The following COL15A1 variants were observed in gnomAD, a reference collection of about 807,000 sequenced individuals.
COL15A1 encodes the protein collagen type XV alpha 1 chain, also known as collagen alpha-1(XV) chain.
Under a neutral mutation model 165.9 loss-of-function variants are expected in COL15A1, and 111 were observed. The ratio of observed to expected loss-of-function variants is 0.67; its 90% CI spans 0.57 to 0.78. COL15A1 has a LOEUF of 0.78. Among genes scored for constraint, COL15A1 ranks in the 30% least tolerant of loss-of-function variants. The probability of loss-of-function intolerance (pLI) is 0.00; values close to 1 mark genes in which losing one functional copy is unlikely to be tolerated. For missense variants in COL15A1, 1,745 were observed against 1,789.7 expected, an observed-to-expected ratio of 0.98 and a Z score of 0.45; for synonymous variants, 659 against 674.8, an observed-to-expected ratio of 0.98 and a Z score of 0.36.
intron 2 of COL15A1, among the ~76,000 whole-genome samples, chr9:98,981,637 C>T (rs756816395): frequency 5.3e-5 from 8 of 152,112 alleles, no homozygotes; most frequent in African/African-American, 1.4e-4. Context: ...AAACACGTAT[C>T]GAGTGGACAT....
intron 2 of COL15A1, among the ~76,000 whole-genome samples, chr9:98,948,112 C>A (rs1837613101): frequency 6.6e-6 from 1 of 152,208 alleles, no homozygotes; most frequent in Non-Finnish European, 1.5e-5. Context: ...CAAACCCATT[C>A]TGTGCTGGCC....
At chr9:99,031,824 A>G (rs946940354) in intron 16 of COL15A1, among the ~76,000 whole-genome samples, 2 of 152,208 alleles carry the variant, frequency 1.3e-5, no homozygotes, top group South Asian at 2.1e-4. Flanking sequence ...TCATTGCCTC[A>G]TGTGTCCTAT....
chr9:99,057,013 G>A (rs575376165), intron 35 of COL15A1, among the ~76,000 whole-genome samples: 3 of 152,088 alleles, frequency 2.0e-5, no homozygotes, highest in Non-Finnish European at 2.9e-5. Flanking sequence ...ATGAACTTTC[G>A]TGTACAAGTT....
At chr9:99,034,429 C>A in intron 16 of COL15A1, 120 bp from the exon 17 acceptor site, 1 of 1,429,870 alleles carries the variant, frequency 7.0e-7, no homozygotes. Context: ...CAATCTGAGA[C>A]AGAAAGAGTC....
At chr9:99,063,578 A>G (rs1026335401) in intron 39 of COL15A1, among the ~76,000 whole-genome samples, 1 of 152,180 alleles carries the variant, frequency 6.6e-6, no homozygotes, top group Non-Finnish European at 1.5e-5. Flanking sequence ...AAGTTTGACC[A>G]TTTTCTGTGG....
intron 2 of COL15A1, among the ~76,000 whole-genome samples, chr9:98,970,505 C>A (rs776441857): frequency 2.0e-5 from 3 of 152,236 alleles, no homozygotes; most frequent in Non-Finnish European, 4.4e-5. Context: ...GTGTGGGCTT[C>A]AGACTTTCTG....
intron 35 of COL15A1, among the ~76,000 whole-genome samples, 191 bp from the exon 36 acceptor site, chr9:99,059,698 C>A (rs1825778628): frequency 1.3e-5 from 2 of 152,222 alleles, no homozygotes; most frequent in Non-Finnish European, 2.9e-5. Flanking sequence ...AATCCCAGCT[C>A]TTCCCTGAAC....
rs570647360 is a variant in COL15A1, at chr9:98,956,340, A to G, written c.100+12090A>G. ...AACAAACAAAGAAACAAAAAACAACAACAACCAAAAAACAGTATGATCTGT... is the reference window on the plus strand; with the variant it reads ...AACAAACAAAGAAACAAAAAACAACGACAACCAAAAAACAGTATGATCTGT... On this transcript the variant is annotated intron_variant, in intron 2 of 41. Coordinates refer to ENST00000375001, the MANE Select transcript of COL15A1 (RefSeq NM_001855.5). Among the ~76,000 whole-genome samples, 4 of 152,210 alleles carry G rather than the reference A, an allele frequency of 2.6e-5. No homozygotes were observed. The East Asian group carries it at 7.7e-4, about 29-fold the overall frequency.
intron 24 of COL15A1, 77 bp from the exon 25 acceptor site, chr9:99,044,491 G>T (rs1839462374): frequency 3.8e-6 from 5 of 1,304,604 alleles, no homozygotes; most frequent in Middle Eastern, 2.5e-4. Flanking sequence ...TGGCAAGGAG[G>T]AGTCTCTGTA....
intron 2 of COL15A1, among the ~76,000 whole-genome samples, chr9:98,953,035 T>A (rs150021072): frequency 1.0e-3 from 156 of 152,340 alleles, no homozygotes; most frequent in African/African-American, 3.6e-3. Flanking sequence ...CCATAATTTC[T>A]GCATGGTATG....
chr9:98,985,908 G>A lies in COL15A1; in HGVS notation c.444G>A (p.Glu148=), dbSNP rs756805553. The change falls in exon 3 of 42, where the codon GAG becomes GAA. Residue 148 remains glutamate, a synonymous_variant. Transcript: ENST00000375001. ...YTEPGSHVSQ[E]AAAFSVPVMT... is the part of the protein sequence containing the mutation. ...AGCCAGGCTCCCATGTGTCCCAAGA[G>A]GCTGCTGCCTTCTCGGTGCCTGTGA... The A allele has an allele frequency of 6.2e-6, 10 of 1,613,864 alleles. No homozygotes were observed. The highest frequency in any genetic ancestry group is 1.6e-4 in the Middle Eastern group (1 of 6,084).
At position 99,022,092 on chromosome 9, in the gene COL15A1, G is replaced by A. The variant is rs1244595554; in HGVS notation, c.1703G>A (p.Gly568Asp). 1 of 1,614,154 alleles carries A rather than the reference G, an allele frequency of 6.2e-7. No individual in the cohort carries two copies. Among genetic ancestry groups the A allele is most frequent in the Admixed American group, 1.7e-5 (1 of 60,032 alleles). Residue 568 changes from glycine (G) to aspartate (D), a missense_variant and splice_region_variant, in exon 13 of 42, where the codon GGT (glycine) becomes GAT (aspartate). Physicochemically the swap from Gly to Asp is moderately conservative, Grantham distance 94. Transcript: ENST00000375001. ...KGQAGPKGEK[G>D]DAGEELPGPP... The stretch of plus-strand genomic sequence containing the variant: ...CACTGACCATTTTGTTCTCTTTAGG[G>A]TGATGCTGGGGAGGAGCTTCCTGGC...
At chr9:99,015,889 G>T in intron 10 of COL15A1, 87 bp from the exon 11 acceptor site, 1 of 1,505,878 alleles carries the variant, frequency 6.6e-7, no homozygotes, top group African/African-American at 1.4e-5. Context: ...TTGAAACTGG[G>T]CTGGCACCAC....
intron 21 of COL15A1, 66 bp from the exon 22 acceptor site, chr9:99,038,602 G>T: frequency 9.9e-7 from 1 of 1,005,158 alleles, no homozygotes; most frequent in Non-Finnish European, 1.6e-6. Flanking sequence ...TTAAAGCTTT[G>T]CTGCCAGGAA....
chr9:99,016,742 G>A (rs1838940837), intron 11 of COL15A1, among the ~76,000 whole-genome samples: 1 of 152,148 alleles, frequency 6.6e-6, no homozygotes, highest in Non-Finnish European at 1.5e-5. Flanking sequence ...GTGTGAAGAG[G>A]GACTGCTCTT....
intron 2 of COL15A1, among the ~76,000 whole-genome samples, chr9:98,950,702 C>T (rs529301316): frequency 3.3e-5 from 5 of 151,698 alleles, no homozygotes; most frequent in Admixed American, 1.3e-4. Context: ...GCAACCTCCA[C>T]CTCCCAGGTT....
intron 34 of COL15A1, among the ~76,000 whole-genome samples, chr9:99,055,897 G>T (rs1335222316): frequency 6.6e-6 from 1 of 152,220 alleles, no homozygotes; most frequent in Non-Finnish European, 1.5e-5. Context: ...AACCAGCAAA[G>T]CCAGAGATCA....
rs1214164528 is a variant in COL15A1, at chr9:99,004,998, G to A, written c.1301G>A (p.Gly434Glu). The A allele has an allele frequency of 1.9e-6, 3 of 1,613,818 alleles. No homozygotes were observed. The highest frequency in any genetic ancestry group is 2.7e-5 in the African/African-American group (2 of 75,022). The change falls in exon 9 of 42, where the codon GGG (glycine) becomes GAG (glutamate). Residue 434 changes from glycine to glutamate, a missense_variant. Physicochemically the swap from Gly to Glu is moderately conservative, Grantham distance 98. Coordinates refer to ENST00000375001, the MANE Select transcript of COL15A1 (RefSeq NM_001855.5). ...GTGGAGGCCAGTGGTGTGGCCCCCG[G>A]GGAGCTGGACCTCTCCATGTCCGCC... ...GEVEASGVAP[G>E]ELDLSMSAQS... is the part of the protein sequence containing the mutation.
At chr9:98,970,140 T>C (rs1162049250) in intron 2 of COL15A1, among the ~76,000 whole-genome samples, 1 of 151,366 alleles carries the variant, frequency 6.6e-6, no homozygotes, top group African/African-American at 2.4e-5. Flanking sequence ...GCCCAGGACA[T>C]AGTAAGGGCT....
Sources: allele counts gnomAD v4.1 joint callset (sites outside exome capture counted in the v4.1 genomes callset), GRCh38; gene constraint gnomAD v4.1.1; transcripts MANE v1.5; gene names NCBI Gene and HGNC (gene_info 2026-07-23, HGNC 2026-07-21).